Variants in MGAT5B observed in about 807,000 individuals in gnomAD.
The protein encoded by MGAT5B is N-acetylglucosaminyl-transferase Vb.
A neutral mutation model predicts 95.1 loss-of-function variants in MGAT5B; 54 were observed. That is an observed-to-expected ratio of 0.57 (90% CI 0.46 to 0.71). The LOEUF is 0.71. Ranked by LOEUF, MGAT5B falls within the 30% of genes least tolerant of loss-of-function variation. The probability of loss-of-function intolerance (pLI) is 0.00; values close to 1 mark genes in which losing one functional copy is unlikely to be tolerated. For missense variants in MGAT5B, 935 were observed against 1,088.6 expected (o/e 0.86, Z 1.99); for synonymous variants, 464 against 451.0 (o/e 1.03, Z -0.36).
Position 76,912,965 on chromosome 17 carries a change from A to G in MGAT5B, c.1025+6778A>G, listed in dbSNP as rs1285334219. The stretch of plus-strand genomic sequence containing the variant: ...TGTGCTCATCAATTTTATTTGCACA[A>G]TTTCAAGCATCATTAATAGTACATG... On this transcript the variant is annotated intron_variant, in intron 8 of 17. Coordinates refer to ENST00000569840, the MANE Select transcript of MGAT5B (RefSeq NM_001199172.2). The surrounding 1 kb of genome is among the most constrained non-coding windows in gnomAD (Gnocchi z 5.0). 6.6e-6 allele frequency among the ~76,000 whole-genome samples: 1 copy of G among 152,228 alleles called. No homozygotes were observed. The highest frequency in any genetic ancestry group is 2.4e-5 in the African/African-American group (1 of 41,468).
At chr17:76,913,343 A>G (rs1346371041) in intron 8 of MGAT5B, among the ~76,000 whole-genome samples, 3 of 152,250 alleles carry the variant, frequency 2.0e-5, no homozygotes, top group Non-Finnish European at 4.4e-5. Context: ...ATCTGAACCA[A>G]TGCAAACTGG....
intron 3 of MGAT5B, 99 bp downstream of exon 3, chr17:76,882,397 G>A: frequency 7.1e-7 from 1 of 1,410,840 alleles, no homozygotes; most frequent in African/African-American, 1.4e-5. Context: ...TGAATCTGGA[G>A]AAGATTTGGA....
chr17:76,926,384 T>C (rs1279108575), intron 9 of MGAT5B, among the ~76,000 whole-genome samples: 20 of 152,116 alleles, frequency 1.3e-4, no homozygotes, highest in Admixed American at 1.3e-3. Context: ...TGGGCTGTTG[T>C]TTTTCCCACT....
At chr17:76,947,178 C>T (rs1229386186) in intron 16 of MGAT5B, among the ~76,000 whole-genome samples, 3 of 152,192 alleles carry the variant, frequency 2.0e-5, no homozygotes, top group East Asian at 1.9e-4. Flanking sequence ...GGCAGGTGGC[C>T]GTATGGCTGT....
chr17:76,932,535 C>T (rs1969524905), intron 10 of MGAT5B, 110 bp from the exon 11 acceptor site: 1 of 1,523,768 alleles, frequency 6.6e-7, no homozygotes, highest in South Asian at 1.3e-5. Context: ...GCCCCGCCCC[C>T]TTTCCCACCC....
intron 8 of MGAT5B, 50 bp from the exon 9 acceptor site, chr17:76,924,916 T>C (rs749507748): frequency 3.4e-5 from 55 of 1,607,294 alleles, no homozygotes; most frequent in Non-Finnish European, 4.4e-5. Context: ...GGTGGCCGGT[T>C]GGGCAGGTGG....
rs753975772 is a variant in MGAT5B at position 76,905,152 on chromosome 17, G to C, written c.691-17G>C. 1.2e-6 allele frequency: 2 copies of C among 1,600,776 alleles called. No homozygotes were observed. The highest frequency in any genetic ancestry group is 2.2e-5 in the South Asian group (2 of 90,286). ...CGCAGGTTGAGGGGCAGAGAGCTGAGGTCTGGACCCCTCCAGGCAGTTTTC... is the reference window on the plus strand; with the variant it reads ...CGCAGGTTGAGGGGCAGAGAGCTGACGTCTGGACCCCTCCAGGCAGTTTTC... On this transcript the variant is annotated splice_polypyrimidine_tract_variant and intron_variant, in intron 6 of 17. Coordinates refer to ENST00000569840, the MANE Select transcript of MGAT5B (RefSeq NM_001199172.2). The surrounding 1 kb of genome is among the most constrained non-coding windows in gnomAD (Gnocchi z 4.2).
intron 3 of MGAT5B, among the ~76,000 whole-genome samples, chr17:76,895,283 G>A (rs1241007338): frequency 6.6e-6 from 1 of 151,570 alleles, no homozygotes; most frequent in Non-Finnish European, 1.5e-5. Flanking sequence ...TGAGTTGCAG[G>A]GCTCCCACTG....
chr17:76,946,951 G>A (rs933417426), intron 16 of MGAT5B, among the ~76,000 whole-genome samples: 3 of 152,236 alleles, frequency 2.0e-5, no homozygotes, highest in African/African-American at 7.2e-5. Context: ...CCTGTCCAAG[G>A]AGTACACTCC....
rs1435434968 is a variant in MGAT5B, at chr17:76,947,951, C to T, written c.2045C>T (p.Ala682Val). The change falls in exon 17 of 18, where the codon GCC becomes GTC. Residue 682 changes from alanine to valine, a missense_variant. Transcript: ENST00000569840. ...CGGAACACCAGCTTGGCTCCTGGGGCCTGGCCCCCCGCGCACGCCCTGCGG... is the reference window on the plus strand; with the variant it reads ...CGGAACACCAGCTTGGCTCCTGGGGTCTGGCCCCCCGCGCACGCCCTGCGG... ...WARNTSLAPGAWPPAHALRAW... is the reference protein window; with the variant it reads ...WARNTSLAPGVWPPAHALRAW... 1 of 1,612,342 alleles carries T rather than the reference C, an allele frequency of 6.2e-7. No individual in the cohort carries two copies. The highest frequency in any genetic ancestry group is 1.3e-5 in the African/African-American group (1 of 74,892).
In MGAT5B at chr17:76,930,891, T is replaced by C. The variant is rs1183851598; in HGVS notation, c.1292-1754T>C. ...GCCCCGAAGGCTGAGTAGAATTTCC[T>C]CATCCGAGACAAGGGAGGAGGGCAG... On this transcript the variant is annotated intron_variant, in intron 10 of 17. Transcript: ENST00000569840. The surrounding 1 kb of genome is among the most constrained non-coding windows in gnomAD (Gnocchi z 4.1). Among the ~76,000 whole-genome samples, 1 of 152,056 alleles carries C rather than the reference T, an allele frequency of 6.6e-6. No individual in the cohort carries two copies.
chr17:76,872,860 C>G lies in MGAT5B; in HGVS notation c.78C>G (p.Val26=), dbSNP rs748690266. The change falls in exon 2 of 18, where the codon GTC becomes GTG. Residue 26 remains valine (V), a synonymous_variant. Transcript: ENST00000569840. ...LVTLRPFRLF[V]LGIGFFTLCF... Reference sequence around the variant, plus strand: ...TCCTTCCTCTCCGCAGGCTTTTTGTCCTGGGCATCGGCTTCTTCACTCTCT... The same window carrying G: ...TCCTTCCTCTCCGCAGGCTTTTTGTGCTGGGCATCGGCTTCTTCACTCTCT... The G allele has an allele frequency of 5.0e-6, 8 of 1,614,108 alleles. No individual in the cohort carries two copies. The highest frequency in any genetic ancestry group is 2.2e-5 in the East Asian group (1 of 44,898).
At chr17:76,946,107 A>G (rs1555601906) in intron 15 of MGAT5B, 1 of 363,854 alleles carries the variant, frequency 2.7e-6, no homozygotes, top group Non-Finnish European at 4.8e-6. Context: ...TCCTCATTGC[A>G]GTTGGGACAG....
In MGAT5B at chr17:76,910,843, G is replaced by A. The variant is rs569753937; in HGVS notation, c.1025+4656G>A. Among the ~76,000 whole-genome samples, 14 of 152,344 alleles carry A rather than the reference G, an allele frequency of 9.2e-5. No individual in the cohort carries two copies. The South Asian group carries it at 1.9e-3, about 20-fold the overall frequency. ...CTGTGGGGTGTATGTGTGAATGAAC[G>A]ATCTGGCTCAGACAGGGCAGAATGG... On this transcript the variant is annotated intron_variant, in intron 8 of 17. Coordinates refer to ENST00000569840, the MANE Select transcript of MGAT5B (RefSeq NM_001199172.2).
rs1209275424 is a variant in MGAT5B, at chr17:76,932,515, C to G, written c.1292-130C>G. On this transcript the variant is annotated intron_variant, in intron 10 of 17. Transcript: ENST00000569840. ...GGGGCACTGATTACACCCTCCCCAC[C>G]GCACCCTGTGCCCCGCCCCCTTTCC... is the stretch of plus-strand genomic sequence containing the variant. 3.7e-6 allele frequency: 5 copies of G among 1,360,714 alleles called. No individual in the cohort carries two copies. In the Admixed American group the frequency reaches 1.1e-4, roughly 30 times the overall value. 84.3% of individuals were successfully genotyped at this position (1,360,714 alleles called of 1,614,324 possible). A position where few individuals can be genotyped will look rare whatever the true frequency, so the allele number is the denominator to read the frequency against.
chr17:76,913,008 T>G (rs1968799004), intron 8 of MGAT5B, among the ~76,000 whole-genome samples: 1 of 152,248 alleles, frequency 6.6e-6, no homozygotes, highest in South Asian at 2.1e-4. Context: ...AAAACATTAC[T>G]GAGCTCTTTC....
At chr17:76,943,444 CG>C (rs1208849171) in intron 15 of MGAT5B, among the ~76,000 whole-genome samples, 1 of 151,982 alleles carries the variant, frequency 6.6e-6, no homozygotes, top group African/African-American at 2.4e-5. Context: ...AAGAGTCACC[CG>C]GGGGGAGGGC....
chr17:76,919,222 T>G (rs1403069286), intron 8 of MGAT5B, among the ~76,000 whole-genome samples: 2 of 152,162 alleles, frequency 1.3e-5, no homozygotes, highest in Non-Finnish European at 2.9e-5. Flanking sequence ...CATCTCCCCA[T>G]CCTCCTCTTT....
chr17:76,885,503 C>T (rs545290451), intron 3 of MGAT5B, among the ~76,000 whole-genome samples: 3 of 152,258 alleles, frequency 2.0e-5, no homozygotes, highest in South Asian at 4.1e-4. Flanking sequence ...GTACTGCTGG[C>T]GCATCCAGTG....
Sources: gnomAD v4.1 joint callset for allele counts (sites outside exome capture counted in the v4.1 genomes callset) on GRCh38, gnomAD v4.1.1 for gene constraint, Gnocchi (gnomAD v3.1) non-coding constraint, MANE v1.5 for transcripts, NCBI Gene and HGNC (gene_info 2026-07-23, HGNC 2026-07-21) for gene names.